ATP8B1: variants seen among roughly 807,000 people sequenced by gnomAD.
ATP8B1 encodes the protein phospholipid-transporting ATPase IC.
In ATP8B1, 80 loss-of-function variants were observed where a neutral mutation model predicts 149.9. The observed-to-expected ratio is 0.53, with a 90% CI of 0.45 to 0.64. The LOEUF (loss-of-function observed/expected upper bound fraction) is 0.64. ATP8B1 is among the 30% of genes least tolerant of loss of function. The pLI is 0.00. For synonymous variants in ATP8B1, 536 were observed against 562.8 expected, an observed-to-expected ratio of 0.95 and a Z score of 0.67; for missense variants, 1,247 against 1,552.6, an observed-to-expected ratio of 0.80 and a Z score of 3.31.
intron 1 of ATP8B1, among the ~76,000 whole-genome samples, chr18:57,765,853 T>A (rs1217952273): frequency 6.6e-6 from 1 of 151,112 alleles, no homozygotes; most frequent in Non-Finnish European, 1.5e-5. Flanking sequence ...GTGCCTGTAA[T>A]CTCAGCTACT....
At chr18:57,787,713 G>A (rs2080423621) in intron 1 of ATP8B1, among the ~76,000 whole-genome samples, 1 of 152,160 alleles carries the variant, frequency 6.6e-6, no homozygotes, top group Admixed American at 6.5e-5. Flanking sequence ...CTTTAAAAAT[G>A]CTCTAAAGTT....
At chr18:57,719,429 G>T (rs901432141) in intron 2 of ATP8B1, among the ~76,000 whole-genome samples, 1 of 152,336 alleles carries the variant, frequency 6.6e-6, no homozygotes, top group East Asian at 1.9e-4. Context: ...GAAGCAAGGC[G>T]AGGCATTGCC....
Position 57,654,061 on chromosome 18 carries a change from A to T in ATP8B1, c.2946T>A (p.Asp982Glu). The change falls in exon 24 of 28, where the codon GAT (aspartate) becomes GAA (glutamate). Residue 982 changes from aspartate (D) to glutamate (E), a missense_variant. Coordinates refer to ENST00000648908, the MANE Select transcript of ATP8B1 (RefSeq NM_001374385.1). ...GCACGTTGTAGAGGGTGATGAACCAATCCTCGTATGCAGTCTGTGAGGGGA... is the reference window on the plus strand; with the variant it reads ...GCACGTTGTAGAGGGTGATGAACCATTCCTCGTATGCAGTCTGTGAGGGGA... ...NGYSAQTAYE[D>E]WFITLYNVLY... 6.2e-7 allele frequency: 1 copy of T among 1,613,854 alleles called. No individual in the cohort carries two copies. Among genetic ancestry groups the T allele is most frequent in the Non-Finnish European group, 8.5e-7 (1 of 1,179,850 alleles).
At chr18:57,662,384 CT>C in intron 21 of ATP8B1, 98 bp downstream of exon 21, 1 of 1,475,750 alleles carries the variant, frequency 6.8e-7, no homozygotes, top group Non-Finnish European at 9.4e-7. Flanking sequence ...GGCTAAGAGA[CT>C]TTTAGGTTGG....
At chr18:57,672,300 T>A (rs1911255083) in intron 16 of ATP8B1, among the ~76,000 whole-genome samples, 1 of 151,928 alleles carries the variant, frequency 6.6e-6, no homozygotes, top group Non-Finnish European at 1.5e-5. Flanking sequence ...CTAATGACCA[T>A]TTTTTTTGGG....
chr18:57,789,661 T>C (rs1436588969), intron 1 of ATP8B1, among the ~76,000 whole-genome samples: 4 of 152,226 alleles, frequency 2.6e-5, no homozygotes, highest in East Asian at 1.9e-4. Flanking sequence ...TGAGAACGTT[T>C]TGAGCCATGT....
intron 1 of ATP8B1, among the ~76,000 whole-genome samples, chr18:57,778,805 G>A (rs2123406785): frequency 6.6e-6 from 1 of 152,314 alleles, no homozygotes; most frequent in South Asian, 2.1e-4. Flanking sequence ...CAAGAGGGAA[G>A]TGGGGTGTTT....
chr18:57,669,168 A>T (rs1911076379), intron 18 of ATP8B1, 150 bp downstream of exon 18: 1 of 818,644 alleles, frequency 1.2e-6, no homozygotes, highest in Non-Finnish European at 1.8e-6. Flanking sequence ...TTTGGTGAAT[A>T]AAAGAAATAA....
At chr18:57,653,375 T>C (rs563824643) in intron 24 of ATP8B1, among the ~76,000 whole-genome samples, 2 of 150,548 alleles carry the variant, frequency 1.3e-5, no homozygotes, top group Admixed American at 1.3e-4. Flanking sequence ...GCTTCAACCT[T>C]CCAGGCTCAA....
chr18:57,721,582 C>A (rs1210463648), intron 2 of ATP8B1, among the ~76,000 whole-genome samples: 1 of 151,862 alleles, frequency 6.6e-6, no homozygotes, highest in Non-Finnish European at 1.5e-5. Context: ...TACAGGAGCA[C>A]CCAGATTCAT....
chr18:57,787,511 G>A (rs116591431), intron 1 of ATP8B1, among the ~76,000 whole-genome samples: 2,792 of 151,764 alleles, frequency 0.018, 106 homozygotes, highest in African/African-American at 0.063. Flanking sequence ...AGAACAATGC[G>A]GGTGGAGCTC....
intron 2 of ATP8B1, among the ~76,000 whole-genome samples, chr18:57,710,825 G>T (rs1382609458): frequency 6.6e-6 from 1 of 152,080 alleles, no homozygotes; most frequent in South Asian, 2.1e-4. Context: ...AGTAGAGACC[G>T]GGTTTCATCA....
At chr18:57,661,061 C>T in intron 22 of ATP8B1, 113 bp downstream of exon 22, 1 of 1,385,298 alleles carries the variant, frequency 7.2e-7, no homozygotes, top group Non-Finnish European at 9.9e-7. Context: ...AACATCTGCT[C>T]TATGAAAACC....
intron 15 of ATP8B1, among the ~76,000 whole-genome samples, chr18:57,676,621 A>C (rs1239641035): frequency 6.8e-6 from 1 of 146,192 alleles, no homozygotes; most frequent in South Asian, 2.3e-4. Context: ...CGGGAGGCTG[A>C]GGCAGGAGAA....
chr18:57,743,096 T>C (rs2079933563), intron 1 of ATP8B1, among the ~76,000 whole-genome samples: 1 of 152,194 alleles, frequency 6.6e-6, no homozygotes, highest in African/African-American at 2.4e-5. Context: ...CTCATGCAAT[T>C]GTCATGGAAT....
intron 1 of ATP8B1, among the ~76,000 whole-genome samples, chr18:57,767,561 G>T (rs908351935): frequency 1.3e-5 from 2 of 152,140 alleles, no homozygotes; most frequent in Non-Finnish European, 2.9e-5. Context: ...GGCGAGGTGG[G>T]TGGATCACCT....
intron 13 of ATP8B1, 111 bp downstream of exon 13, chr18:57,688,188 T>C (rs542660067): frequency 2.5e-6 from 3 of 1,208,048 alleles, no homozygotes; most frequent in East Asian, 4.7e-5. Context: ...AGCAGGACTC[T>C]GCATCGAGAG....
In ATP8B1 at chr18:57,737,586, T is replaced by TAA. The variant is rs1555652044; in HGVS notation, c.-25-5756_-25-5755dup. On this transcript the variant is annotated intron_variant, in intron 1 of 27. Transcript: ENST00000648908. ...CTTTCTTTTCTTTCTTTCTTTTTTT[T>TAA]AAAGAGATAGGCTCTCCCTATGTTC... Among the ~76,000 whole-genome samples, 106 of 151,176 alleles carry TAA rather than the reference T, an allele frequency of 7.0e-4. 1 individual carries two copies. The highest frequency in any genetic ancestry group is 1.7e-3 in the South Asian group (8 of 4,770).
Position 57,797,213 on chromosome 18 carries a change from G to T in ATP8B1, c.-26+5785C>A, listed in dbSNP as rs547966832. ...CTAGTGCAACTCAATTTCAATAAAG[G>T]TTAGAAAACTGTTTTCAAAAGCCAC... is the stretch of plus-strand genomic sequence containing the variant. On this transcript the variant is annotated intron_variant, in intron 1 of 27. Transcript: ENST00000648908. Among the ~76,000 whole-genome samples the T allele has an allele frequency of 8.5e-5, 13 of 152,154 alleles. No individual in the cohort carries two copies. In the South Asian group the frequency reaches 2.1e-3, roughly 24 times the overall value.
Sources: allele counts gnomAD v4.1 joint callset (sites outside exome capture counted in the v4.1 genomes callset), GRCh38; gene constraint gnomAD v4.1.1; transcripts MANE v1.5; gene names NCBI Gene and HGNC (gene_info 2026-07-23, HGNC 2026-07-21).